Variants in DTNA observed in about 807,000 individuals in gnomAD.
The protein encoded by DTNA is dystrophin-related protein 3.
DTNA carries 43 observed loss-of-function variants against 100.7 expected under a neutral mutation model. That is an observed-to-expected ratio of 0.43 (90% CI 0.33 to 0.55). The LOEUF is 0.55. Among genes scored for constraint, DTNA ranks in the 20% least tolerant of loss-of-function variants. The pLI, the probability that DTNA is intolerant of heterozygous loss-of-function variation, is 0.04. For synonymous variants in DTNA, 349 were observed against 347.9 expected (o/e 1.00, Z -0.04); for missense variants, 798 against 953.9 (o/e 0.84, Z 2.15).
At chr18:34,869,833 A>G (rs2096746647) in intron 17 of DTNA, among the ~76,000 whole-genome samples, 1 of 152,218 alleles carries the variant, frequency 6.6e-6, no homozygotes, top group African/African-American at 2.4e-5. Context: ...CATCCCGGCT[A>G]ACACGGTGAA....
chr18:34,511,982 G>C (rs1251023098), intron 1 of DTNA, among the ~76,000 whole-genome samples: 2 of 151,908 alleles, frequency 1.3e-5, no homozygotes, highest in African/African-American at 4.8e-5. Flanking sequence ...TTTTTATGGA[G>C]CTTGCATTTC....
intron 4 of DTNA, among the ~76,000 whole-genome samples, chr18:34,800,178 T>G (rs1227400103): frequency 6.6e-6 from 1 of 152,240 alleles, no homozygotes; most frequent in Non-Finnish European, 1.5e-5. Flanking sequence ...ATCAGAAAGT[T>G]GCTTCTCACT....
chr18:34,720,712 G>A lies in DTNA; in HGVS notation c.-2+10267G>A, dbSNP rs542614192. Among the ~76,000 whole-genome samples the A allele has an allele frequency of 2.6e-5, 4 of 152,292 alleles. No homozygotes were observed. The East Asian group carries it at 7.8e-4, about 30-fold the overall frequency. On this transcript the variant is annotated intron_variant, in intron 1 of 22. Coordinates refer to ENST00000444659, the MANE Select transcript of DTNA (RefSeq NM_001386795.1). ...CCACCCAATAAGAGGACAAGGAAGAGAGAGTGGAAGGATCAGCAGAACTGT... is the reference window on the plus strand; with the variant it reads ...CCACCCAATAAGAGGACAAGGAAGAAAGAGTGGAAGGATCAGCAGAACTGT...
intron 1 of DTNA, among the ~76,000 whole-genome samples, chr18:34,516,413 G>A (rs1488588470): frequency 1.3e-5 from 2 of 152,028 alleles, no homozygotes; most frequent in South Asian, 2.1e-4. Flanking sequence ...CTGGGCACGC[G>A]TTATCATTGA....
chr18:34,529,305 T>C (rs965152558), intron 1 of DTNA, among the ~76,000 whole-genome samples: 1 of 152,116 alleles, frequency 6.6e-6, no homozygotes, highest in Non-Finnish European at 1.5e-5. Flanking sequence ...TCATTCATTA[T>C]GTTACAGTAT....
At chr18:34,802,160 G>A (rs2095238296) in intron 4 of DTNA, among the ~76,000 whole-genome samples, 1 of 152,222 alleles carries the variant, frequency 6.6e-6, no homozygotes, top group Admixed American at 6.5e-5. Context: ...TCCTGATGCT[G>A]CCCCACTCCC....
chr18:34,575,317 A>G (rs1173460871), intron 1 of DTNA, among the ~76,000 whole-genome samples: 1 of 123,548 alleles, frequency 8.1e-6, no homozygotes, highest in African/African-American at 3.8e-5. Context: ...AAGAGTTTGT[A>G]AGGAAGATTT....
intron 3 of DTNA, among the ~76,000 whole-genome samples, chr18:34,770,882 A>C (rs1178919278): frequency 6.8e-6 from 1 of 146,500 alleles, no homozygotes; most frequent in Non-Finnish European, 1.5e-5. Flanking sequence ...TCCTGGATTC[A>C]AGTGATTCTT....
At chr18:34,866,384 AT>A in intron 17 of DTNA, 1 of 1,375,160 alleles carries the variant, frequency 7.3e-7, no homozygotes, top group South Asian at 1.5e-5. Flanking sequence ...ACGAATTGTC[AT>A]TTATTGGAAA....
At chr18:34,683,044 A>G (rs1355438226) in intron 1 of DTNA, among the ~76,000 whole-genome samples, 1 of 152,170 alleles carries the variant, frequency 6.6e-6, no homozygotes, top group Non-Finnish European at 1.5e-5. Context: ...TACTATGTAC[A>G]GTATAAGAAC....
chr18:34,533,700 T>C (rs535081578), intron 1 of DTNA, among the ~76,000 whole-genome samples: 2 of 152,116 alleles, frequency 1.3e-5, no homozygotes, highest in African/African-American at 2.4e-5. Context: ...AAGAAAAAAA[T>C]CTGAAAATGC....
At chr18:34,576,637 G>T (rs28361510) in intron 1 of DTNA, among the ~76,000 whole-genome samples, 15,300 of 151,836 alleles carry the variant, frequency 0.1, 1,115 homozygotes, top group African/African-American at 0.2. Context: ...TTTTATATTT[G>T]TAGTAAAGAT....
At position 34,794,132 on chromosome 18, in the gene DTNA, G is replaced by C; in HGVS notation, c.244G>C (p.Glu82Gln). Residue 82 changes from glutamate to glutamine, a missense_variant, in exon 4 of 23, where the codon GAG becomes CAG. Glu to Gln is a conservative substitution (Grantham distance 29). Transcript: ENST00000444659. ...CACTGAACTCAACGTGTCCCGCTTAGAGGCTGTGCTCTCCACTATTTTTTA... is the reference window on the plus strand; with the variant it reads ...CACTGAACTCAACGTGTCCCGCTTACAGGCTGTGCTCTCCACTATTTTTTA... The part of the protein sequence containing the change: ...PNTELNVSRL[E>Q]AVLSTIFYQL... 6.2e-7 allele frequency: 1 copy of C among 1,614,160 alleles called. No homozygotes were observed. Among genetic ancestry groups the C allele is most frequent in the Non-Finnish European group, 8.5e-7 (1 of 1,180,016 alleles).
chr18:34,545,504 A>G (rs889984025), intron 1 of DTNA, among the ~76,000 whole-genome samples: 3 of 152,154 alleles, frequency 2.0e-5, no homozygotes, highest in African/African-American at 7.2e-5. Context: ...ACAAAGAAGT[A>G]TAAGTTGATT....
rs879244319 is a variant in DTNA at position 34,882,288 on chromosome 18, G to A, written c.2295+87G>A. The stretch of plus-strand genomic sequence containing the variant: ...CTTTGACATGACTTGCAGAATCAGA[G>A]CCTTCTTCCTTCCACCCTCCCTTTT... On this transcript the variant is annotated intron_variant, in intron 21 of 22. Transcript: ENST00000444659. The A allele has an allele frequency of 2.9e-5, 45 of 1,547,924 alleles. No homozygotes were observed. The South Asian group carries it at 4.5e-4, about 15-fold the overall frequency.
In DTNA at chr18:34,733,463, C is replaced by T. The variant is rs189135726; in HGVS notation, c.-1-22513C>T. ...GATTATTCTGATTGCAGGTCTGCTT[C>T]TGCTGTCCATTATGGTAGCTATGCC... is the stretch of plus-strand genomic sequence containing the variant. On this transcript the variant is annotated intron_variant, in intron 1 of 22. Coordinates refer to ENST00000444659, the MANE Select transcript of DTNA (RefSeq NM_001386795.1). Among the ~76,000 whole-genome samples the T allele has an allele frequency of 5.8e-4, 89 of 152,326 alleles. 2 individuals carry two copies. In the East Asian group the frequency reaches 0.012, roughly 21 times the overall value.
At chr18:34,550,898 A>G (rs921138338) in intron 1 of DTNA, among the ~76,000 whole-genome samples, 11 of 152,152 alleles carry the variant, frequency 7.2e-5, no homozygotes, top group Non-Finnish European at 1.2e-4. Context: ...TGATCACTAT[A>G]TTTATTCCTA....
intron 1 of DTNA, among the ~76,000 whole-genome samples, chr18:34,633,555 G>A (rs887560163): frequency 3.3e-5 from 5 of 152,068 alleles, no homozygotes; most frequent in African/African-American, 1.2e-4. Context: ...CAGGCAGGTC[G>A]GGATGGCAGA....
chr18:34,589,330 C>T (rs935132305), intron 1 of DTNA, among the ~76,000 whole-genome samples: 1 of 152,002 alleles, frequency 6.6e-6, no homozygotes, highest in Non-Finnish European at 1.5e-5. Context: ...TGTATGAGCA[C>T]GTTTGTGTGT....
Sources: allele counts gnomAD v4.1 joint callset (sites outside exome capture counted in the v4.1 genomes callset), GRCh38; gene constraint gnomAD v4.1.1; transcripts MANE v1.5; gene names NCBI Gene and HGNC (gene_info 2026-07-23, HGNC 2026-07-21).